ST6GALNAC1: variants seen among roughly 807,000 people sequenced by gnomAD.
The protein encoded by ST6GALNAC1 is ST6 N-acetylgalactosaminide alpha-2,6-sialyltransferase 1.
Under a neutral mutation model 56.8 loss-of-function variants are expected in ST6GALNAC1, and 45 were observed. That is an observed-to-expected ratio of 0.79 (90% CI 0.62 to 1.02). The LOEUF is 1.02. ST6GALNAC1 is among the 50% of genes least tolerant of loss of function. The pLI is 0.00. For missense variants in ST6GALNAC1, 743 were observed against 754.8 expected, an observed-to-expected ratio of 0.98 and a Z score of 0.18; for synonymous variants, 295 against 297.8, an observed-to-expected ratio of 0.99 and a Z score of 0.10.
At position 76,629,144 on chromosome 17, in the gene ST6GALNAC1, G is replaced by A. The variant is rs1379262888; in HGVS notation, c.699C>T (p.Ala233=). ...TCTGGAAAGGGGCAGGGGGTGGGGT[G>A]GCCTGAGGTTTCTTCTCCTTAGGTG... ...VIPPKEKKPQ[A]TPPPAPFQSP... Residue 233 remains alanine (A), a synonymous_variant, in exon 2 of 9, where the codon GCC becomes GCT. Transcript: ENST00000156626. 13 of 1,613,816 alleles carry A rather than the reference G, an allele frequency of 8.1e-6. No individual in the cohort carries two copies. The highest frequency in any genetic ancestry group is 1.0e-5 in the Non-Finnish European group (12 of 1,179,896).
chr17:76,626,894 C>T (rs1387372401), intron 4 of ST6GALNAC1, 105 bp from the exon 5 acceptor site: 155 of 1,519,748 alleles, frequency 1.0e-4, no homozygotes, highest in South Asian at 3.5e-5. Flanking sequence ...CAGTTATGTG[C>T]GGAAATTCTC....
chr17:76,620,732 T>C (rs143432732), downstream of ST6GALNAC1, among the ~76,000 whole-genome samples: 702 of 137,984 alleles, frequency 5.1e-3, 9 homozygotes, highest in African/African-American at 0.017. Flanking sequence ...TGTGCCACCA[T>C]GCCCAGCTAT....
chr17:76,621,310 G>A (rs1261885297), downstream of ST6GALNAC1, among the ~76,000 whole-genome samples: 1 of 150,196 alleles, frequency 6.7e-6, no homozygotes, highest in Admixed American at 6.7e-5. Context: ...AGCCTCCCGA[G>A]TAGCTGGGAC....
At chr17:76,625,763 G>A in intron 8 of ST6GALNAC1, 56 bp downstream of exon 8, 1 of 1,408,790 alleles carries the variant, frequency 7.1e-7, no homozygotes, top group Non-Finnish European at 9.5e-7. Context: ...AACAGGCCCA[G>A]GAATAGCCCA....
chr17:76,619,740 G>GTTTTTTTTT, the ST6GALNAC1 span, among the ~76,000 whole-genome samples: 1 of 101,572 alleles, frequency 9.8e-6, no homozygotes, highest in Non-Finnish European at 1.9e-5. Context: ...AATAATGTTA[G>GTTTTTTTTT]TTTTTTTTTT....
downstream of ST6GALNAC1, among the ~76,000 whole-genome samples, chr17:76,622,252 C>CTATATATA (rs143088443): frequency 1.5e-3 from 216 of 148,658 alleles, 2 homozygotes; most frequent in East Asian, 0.011. Context: ...AAGTCCTTTA[C>CTATATATA]TATATATATA....
At chr17:76,633,795 G>T (rs1346657303) in intron 1 of ST6GALNAC1, 4 of 152,070 alleles carry the variant, frequency 2.6e-5, no homozygotes, top group African/African-American at 9.7e-5. Context: ...ATATTCTTCA[G>T]TGTACATCAC....
At chr17:76,638,140 T>G (rs1365901302) in intron 1 of ST6GALNAC1, among the ~76,000 whole-genome samples, 1 of 151,200 alleles carries the variant, frequency 6.6e-6, no homozygotes, top group African/African-American at 2.4e-5. Context: ...ATGGAACGCT[T>G]TACGAATTTG....
chr17:76,625,864 G>A lies in ST6GALNAC1; in HGVS notation c.1560C>T (p.Thr520=). Residue 520 remains threonine, a synonymous_variant, in exon 8 of 9, where the codon ACC becomes ACT. Coordinates refer to ENST00000156626, the MANE Select transcript of ST6GALNAC1 (RefSeq NM_018414.5). ...DGAHWRIYRP[T]TGALLLLTAL... ...CAGTGAGCAGCAGGAGGGCCCCAGT[G>A]GTGGGGCGGTATATCCTCCAGTGGG... The A allele has an allele frequency of 1.3e-6, 2 of 1,549,048 alleles. No individual in the cohort carries two copies. Among genetic ancestry groups the A allele is most frequent in the South Asian group, 1.3e-5 (1 of 79,952 alleles).
rs760353807 is a variant in ST6GALNAC1 at position 76,626,014 on chromosome 17, C to T, written c.1497G>A (p.Met499Ile). The change falls in exon 7 of 9, where the codon ATG (methionine) becomes ATA (isoleucine). Residue 499 changes from methionine (M) to isoleucine (I), a missense_variant. By Grantham distance (10) the Met-to-Ile change is conservative. Transcript: ENST00000156626. ...LLLHPDFLRY[M>I]KNRFLRSKTL... ...GTGCTTTCTGCTCTAACCTGTTCTT[C>T]ATGTATCGGAGAAAGTCTGGGTGCA... 8.7e-6 allele frequency: 14 copies of T among 1,614,126 alleles called. No homozygotes were observed. The highest frequency in any genetic ancestry group is 1.1e-5 in the Non-Finnish European group (13 of 1,180,016).
intron 1 of ST6GALNAC1, among the ~76,000 whole-genome samples, chr17:76,643,251 T>C (rs1373470803): frequency 6.6e-6 from 1 of 152,220 alleles, no homozygotes; most frequent in Non-Finnish European, 1.5e-5. Context: ...CCATCAGTTC[T>C]CAAACTCCTG....
rs145873819 is a variant in ST6GALNAC1 at position 76,625,377 on chromosome 17, G to A, written c.1756C>T (p.Arg586Trp). Residue 586 changes from arginine to tryptophan, a missense_variant, in exon 9 of 9, where the codon CGG (arginine) becomes TGG (tryptophan). Coordinates refer to ENST00000156626, the MANE Select transcript of ST6GALNAC1 (RefSeq NM_018414.5). Reference protein sequence around the residue: ...WKRLHDEGIIRLYQRPGPGTA... With the variant: ...WKRLHDEGIIWLYQRPGPGTA... ...CCGGGACCAGGACGCTGGTACAGCC[G>A]GATTATCCCTTCATCGTGTAGCCGC... 1,117 of 1,614,034 alleles carry A rather than the reference G, an allele frequency of 6.9e-4. 12 individuals are homozygous for A. The African/African-American group carries it at 9.7e-3, about 14-fold the overall frequency.
At chr17:76,625,745 C>T in intron 8 of ST6GALNAC1, 74 bp downstream of exon 8, 5 of 1,334,840 alleles carry the variant, frequency 3.7e-6, no homozygotes, top group Non-Finnish European at 5.1e-6. Flanking sequence ...ATGCACTGTC[C>T]TATGCTGAAC....
the ST6GALNAC1 span, among the ~76,000 whole-genome samples, chr17:76,619,174 G>A: frequency 1.3e-5 from 2 of 152,078 alleles, no homozygotes; most frequent in Non-Finnish European, 2.9e-5. Flanking sequence ...ACAATAAAAT[G>A]TTCCAGGTTC....
Position 76,627,479 on chromosome 17 carries a change from C to G in ST6GALNAC1, c.936G>C (p.Gln312His). Residue 312 changes from glutamine to histidine, a missense_variant, in exon 3 of 9, where the codon CAG becomes CAC. Physicochemically the swap from Gln to His is conservative, Grantham distance 24. Coordinates refer to ENST00000156626, the MANE Select transcript of ST6GALNAC1 (RefSeq NM_018414.5). The surrounding 1 kb of genome is among the most constrained non-coding windows in gnomAD (Gnocchi z 4.4). The stretch of plus-strand genomic sequence containing the variant: ...AGTGTTCCAGGCGGTCCCACTCACT[C>G]TGGTTGAAGTGTCTGGAGTCCAGGA... Reference protein sequence around the residue: ...TLFLDSRHFNQSEWDRLEHFA... With the variant: ...TLFLDSRHFNHSEWDRLEHFA... The G allele has an allele frequency of 6.2e-7, 1 of 1,614,196 alleles. No individual in the cohort carries two copies. Among genetic ancestry groups the G allele is most frequent in the Non-Finnish European group, 8.5e-7 (1 of 1,180,030 alleles).
rs373474836 is a variant in ST6GALNAC1, at chr17:76,625,424, T to C, written c.1709A>G (p.Lys570Arg). ...RLIFYINHDF[K>R]LEREVWKRLH... ...CCGCTTCCAGACTTCTCTCTCCAGC[T>C]TGAAGTCATGGTTTATGTAAAAGAT... Residue 570 changes from lysine to arginine, a missense_variant, in exon 9 of 9, where the codon AAG (lysine) becomes AGG (arginine). Lys to Arg is a conservative substitution (Grantham distance 26). Transcript: ENST00000156626. The C allele has an allele frequency of 5.6e-6, 9 of 1,614,052 alleles. No individual in the cohort carries two copies. The highest frequency in any genetic ancestry group is 2.7e-5 in the African/African-American group (2 of 74,932).
At chr17:76,626,628 C>G (rs1479644295) in intron 5 of ST6GALNAC1, 23 bp downstream of exon 5, 1 of 1,613,916 alleles carries the variant, frequency 6.2e-7, no homozygotes, top group Non-Finnish European at 8.5e-7. Context: ...TGGGTGTGGC[C>G]AGGCTCCTTC....
intron 1 of ST6GALNAC1, among the ~76,000 whole-genome samples, chr17:76,631,981 A>C (rs565388326): frequency 2.9e-4 from 44 of 152,284 alleles, no homozygotes; most frequent in African/African-American, 1.0e-3. Context: ...ACATTTGCCT[A>C]GTAGAAGGTC....
At chr17:76,626,482 GCT>G in intron 5 of ST6GALNAC1, 90 bp from the exon 6 acceptor site, 1 of 1,510,008 alleles carries the variant, frequency 6.6e-7, no homozygotes, top group Non-Finnish European at 9.2e-7. Context: ...CTGCCCACTT[GCT>G]CTGCTCTGGA....
Sources: gnomAD v4.1 joint callset for allele counts (sites outside exome capture counted in the v4.1 genomes callset) on GRCh38, gnomAD v4.1.1 for gene constraint, Gnocchi (gnomAD v3.1) non-coding constraint, MANE v1.5 for transcripts, NCBI Gene and HGNC (gene_info 2026-07-23, HGNC 2026-07-21) for gene names.